TCEANC2: variants seen among roughly 807,000 people sequenced by gnomAD.
TCEANC2 encodes transcription elongation factor A N-terminal and central domain containing 2.
In TCEANC2, 20 loss-of-function variants were observed where a neutral mutation model predicts 22.8. That is an observed-to-expected ratio of 0.88 (90% CI 0.62 to 1.28). The LOEUF (loss-of-function observed/expected upper bound fraction) is 1.28, where lower values mean the gene tolerates loss of function less well. Among genes scored for constraint, TCEANC2 ranks in the 50% most tolerant of loss-of-function variants. TCEANC2 has a pLI of 0.00. For synonymous variants in TCEANC2, 84 were observed against 95.5 expected (o/e 0.88, Z 0.70); for missense variants, 251 against 249.7 (o/e 1.01, Z -0.03).
At chr1:54,080,515 T>C (rs1386757895) in intron 3 of TCEANC2, among the ~76,000 whole-genome samples, 1 of 152,248 alleles carries the variant, frequency 6.6e-6, no homozygotes, top group Non-Finnish European at 1.5e-5. Flanking sequence ...ACCAGCTGAA[T>C]TGACTCCTCT....
chr1:54,061,751 G>GAA (rs141123326), intron 2 of TCEANC2, among the ~76,000 whole-genome samples: 51 of 144,300 alleles, frequency 3.5e-4, no homozygotes, highest in African/African-American at 1.3e-3. Context: ...GGGTGAGCTG[G>GAA]AAAAAAAAAA....
At chr1:54,065,072 T>C (rs370731396) in intron 2 of TCEANC2, among the ~76,000 whole-genome samples, 78 of 152,092 alleles carry the variant, frequency 5.1e-4, no homozygotes, top group Non-Finnish European at 2.5e-4. Flanking sequence ...CCAGACCTCA[T>C]GTTCACAGAG....
At chr1:54,084,865 A>G (rs957084686) in intron 3 of TCEANC2, among the ~76,000 whole-genome samples, 2 of 152,200 alleles carry the variant, frequency 1.3e-5, no homozygotes, top group Non-Finnish European at 2.9e-5. Flanking sequence ...TACAGTGACC[A>G]AGAGCATAAA....
At position 54,104,641 on chromosome 1, in the gene TCEANC2, A is replaced by G; in HGVS notation, c.*8168A>G. 2.3e-6 allele frequency: 1 copy of G among 439,122 alleles called. No homozygotes were observed. The highest frequency in any genetic ancestry group is 4.7e-6 in the Non-Finnish European group (1 of 214,840). 27.2% of individuals were successfully genotyped at this position (439,122 alleles called of 1,614,324 possible). ...ACTGCAACCTCTGCCTCCTGGGTTCAAGCTATTCTCCTGCCTCAGCCTCCC... is the reference window on the plus strand; with the variant it reads ...ACTGCAACCTCTGCCTCCTGGGTTCGAGCTATTCTCCTGCCTCAGCCTCCC... On this transcript the variant is annotated 3_prime_UTR_variant, in exon 5 of 5. Transcript: ENST00000234827.
rs766926883 is a variant in TCEANC2 at position 54,088,769 on chromosome 1, C to A, written c.417C>A (p.Leu139=). 6.3e-7 allele frequency: 1 copy of A among 1,588,674 alleles called. No individual in the cohort carries two copies. The highest frequency in any genetic ancestry group is 8.6e-7 in the Non-Finnish European group (1 of 1,168,218). ...ESLRKNAQKL[L]SEALELKMDH... ...TGAGGAAAAATGCTCAGAAATTACT[C>A]TCAGAAGCCTTGGAATTAAAGGTAA... The change falls in exon 4 of 5, where the codon CTC becomes CTA. Residue 139 remains leucine (L), a synonymous_variant. Coordinates refer to ENST00000234827, the MANE Select transcript of TCEANC2 (RefSeq NM_153035.3).
chr1:54,106,204 C>T (rs996551915), downstream of TCEANC2: 1 of 152,054 alleles, frequency 6.6e-6, no homozygotes, highest in Admixed American at 6.5e-5. Context: ...TGGTTTGTAA[C>T]AGCAAAATTT....
rs1287025414 is a variant in TCEANC2, at chr1:54,096,614, G to T, written c.*141G>T. 8 of 1,403,108 alleles carry T rather than the reference G, an allele frequency of 5.7e-6. No homozygotes were observed. Among genetic ancestry groups the T allele is most frequent in the East Asian group, 5.1e-5 (2 of 39,518 alleles). The allele number at this position is 1,403,108 out of a possible 1,614,324, so 86.9% of individuals were successfully genotyped here. On this transcript the variant is annotated 3_prime_UTR_variant, in exon 5 of 5. Transcript: ENST00000234827. The surrounding 1 kb of genome is among the most constrained non-coding windows in gnomAD (Gnocchi z 4.9). Reference sequence around the variant, plus strand: ...ATGGTGCCGTTCCTTTGCAGACAGAGGATTCGGAGAGCCCTAGGAGACAGG... The same window carrying T: ...ATGGTGCCGTTCCTTTGCAGACAGATGATTCGGAGAGCCCTAGGAGACAGG...
At chr1:54,079,176 A>G (rs996420656) in intron 3 of TCEANC2, among the ~76,000 whole-genome samples, 4 of 152,186 alleles carry the variant, frequency 2.6e-5, no homozygotes, top group Admixed American at 2.0e-4. Context: ...GATTTCAGAG[A>G]TGCTGTATTT....
rs537293636 is a variant in TCEANC2 at position 54,094,750 on chromosome 1, T to A, written c.439-1535T>A. 4.6e-5 allele frequency among the ~76,000 whole-genome samples: 7 copies of A among 152,132 alleles called. No homozygotes were observed. The South Asian group carries it at 1.2e-3, about 27-fold the overall frequency. ...TAAATGTTTGAATGAGTGGCTAAGG[T>A]AGGGAGAGAAAGGTTAAAGGTAAAA... On this transcript the variant is annotated intron_variant, in intron 4 of 4. Coordinates refer to ENST00000234827, the MANE Select transcript of TCEANC2 (RefSeq NM_153035.3).
In TCEANC2 at chr1:54,053,646, A is replaced by G. The variant is rs1281338514; in HGVS notation, c.-155A>G. ...CCGGCGGAGTTTCTTCAGAGGAACTACCGCCCTGGGAGGAAGCGTCTGTTT... is the reference window on the plus strand; with the variant it reads ...CCGGCGGAGTTTCTTCAGAGGAACTGCCGCCCTGGGAGGAAGCGTCTGTTT... On this transcript the variant is annotated 5_prime_UTR_variant, in exon 1 of 5. Transcript: ENST00000234827. The G allele has an allele frequency of 1.2e-5, 2 of 161,650 alleles. No individual in the cohort carries two copies. Among genetic ancestry groups the G allele is most frequent in the Non-Finnish European group, 2.7e-5 (2 of 73,404 alleles). 10.0% of individuals were successfully genotyped at this position (161,650 alleles called of 1,614,324 possible). A position where few individuals can be genotyped will look rare whatever the true frequency, so the allele number is the denominator to read the frequency against.
At chr1:54,058,543 T>C (rs1260420835) in intron 2 of TCEANC2, among the ~76,000 whole-genome samples, 3 of 152,204 alleles carry the variant, frequency 2.0e-5, no homozygotes, top group Non-Finnish European at 4.4e-5. Flanking sequence ...AATAAAAGGC[T>C]TGGCATGGCA....
At chr1:54,079,436 T>A (rs980488632) in intron 3 of TCEANC2, among the ~76,000 whole-genome samples, 3 of 152,120 alleles carry the variant, frequency 2.0e-5, no homozygotes, top group Non-Finnish European at 2.9e-5. Context: ...TAAAAATGAA[T>A]AAAAGGCTAA....
At chr1:54,094,594 G>T (rs1043928363) in intron 4 of TCEANC2, among the ~76,000 whole-genome samples, 1 of 152,136 alleles carries the variant, frequency 6.6e-6, no homozygotes, top group Non-Finnish European at 1.5e-5. Context: ...TGGTGCACAG[G>T]ATCCTTACAA....
chr1:54,092,047 C>G (rs539104651), intron 4 of TCEANC2, among the ~76,000 whole-genome samples: 9 of 152,276 alleles, frequency 5.9e-5, no homozygotes, highest in African/African-American at 2.2e-4. Flanking sequence ...CAGACTGCAC[C>G]CCTGGCTTTG....
At chr1:54,056,072 C>G (rs1312949712) in intron 2 of TCEANC2, among the ~76,000 whole-genome samples, 1 of 152,200 alleles carries the variant, frequency 6.6e-6, no homozygotes, top group Non-Finnish European at 1.5e-5. Flanking sequence ...TGAGCCCTAC[C>G]AAACTCTAGA....
At chr1:54,068,397 C>T (rs190108815) in intron 2 of TCEANC2, among the ~76,000 whole-genome samples, 83 of 152,298 alleles carry the variant, frequency 5.4e-4, no homozygotes, top group Non-Finnish European at 1.2e-4. Flanking sequence ...CTTCCCTGCT[C>T]GCTGTTCTTG....
Position 54,066,517 on chromosome 1 carries a change from C to T in TCEANC2, c.103-2239C>T, listed in dbSNP as rs12138747. On this transcript the variant is annotated intron_variant, in intron 2 of 4. Coordinates refer to ENST00000234827, the MANE Select transcript of TCEANC2 (RefSeq NM_153035.3). ...AGAGATGAAGACAATATACAAAAAACTGTCATAGACAGGAGTTCATTGAAA... is the reference window on the plus strand; with the variant it reads ...AGAGATGAAGACAATATACAAAAAATTGTCATAGACAGGAGTTCATTGAAA... 6.4e-4 allele frequency among the ~76,000 whole-genome samples: 97 copies of T among 152,164 alleles called. 1 individual carries two copies. The highest frequency in any genetic ancestry group is 1.3e-3 in the Admixed American group (20 of 15,230).
chr1:54,082,081 C>T (rs1402098637), intron 3 of TCEANC2, among the ~76,000 whole-genome samples: 1 of 152,178 alleles, frequency 6.6e-6, no homozygotes, highest in African/African-American at 2.4e-5. Flanking sequence ...TGCTTGTGTT[C>T]TAATCCTAGC....
chr1:54,107,326 T>G (rs1658773771), downstream of TCEANC2, among the ~76,000 whole-genome samples: 1 of 152,212 alleles, frequency 6.6e-6, no homozygotes, highest in Non-Finnish European at 1.5e-5. Flanking sequence ...AGTGCCTGTC[T>G]CATCACTTCA....
Sources: allele counts gnomAD v4.1 joint callset (sites outside exome capture counted in the v4.1 genomes callset), GRCh38; gene constraint gnomAD v4.1.1; non-coding constraint Gnocchi (gnomAD v3.1); transcripts MANE v1.5; gene names NCBI Gene and HGNC (gene_info 2026-07-23, HGNC 2026-07-21).